SETD7: variants seen among roughly 807,000 people sequenced by gnomAD.
SETD7 encodes SET domain containing 7, histone lysine methyltransferase.
SETD7 carries 16 observed loss-of-function variants against 41.8 expected under a neutral mutation model. That is an observed-to-expected ratio of 0.38 (90% confidence interval 0.26 to 0.58). The LOEUF (loss-of-function observed/expected upper bound fraction) is 0.58. SETD7 is among the 20% of genes least tolerant of loss of function. The pLI is 0.64. For missense variants in SETD7, 346 were observed against 459.7 expected (o/e 0.75, Z 2.26); for synonymous variants, 163 against 169.7 (o/e 0.96, Z 0.31).
chr4:139,550,368 T>C (rs1409401298), intron 1 of SETD7, among the ~76,000 whole-genome samples: 3 of 152,242 alleles, frequency 2.0e-5, no homozygotes, highest in African/African-American at 7.2e-5. Flanking sequence ...GAGAGAATTC[T>C]GAAATCTATT....
chr4:139,505,711 A>G (rs1465516409), downstream of SETD7, among the ~76,000 whole-genome samples: 1 of 152,210 alleles, frequency 6.6e-6, no homozygotes, highest in Admixed American at 6.5e-5. Context: ...CAAAATTTCT[A>G]TATTTTCTTT....
Position 139,546,991 on chromosome 4 carries a change from T to C in SETD7, c.99A>G (p.Thr33=). The C allele has an allele frequency of 1.2e-6, 2 of 1,614,208 alleles. No individual in the cohort carries two copies. Among genetic ancestry groups the C allele is most frequent in the Non-Finnish European group, 1.7e-6 (2 of 1,180,038 alleles). ...HGFCTVTYSS[T]DRFEGNFVHG... is the part of the protein sequence containing the mutation. ...GAACAAAGTTCCCCTCAAATCTGTC[T>C]GTGGAGGAGTAGGTGACTGTGCAGA... Residue 33 remains threonine (T), a synonymous_variant, in exon 2 of 8, where the codon ACA becomes ACG. Transcript: ENST00000274031.
intron 1 of SETD7, among the ~76,000 whole-genome samples, chr4:139,550,131 C>T (rs181552625): frequency 1.3e-5 from 2 of 152,236 alleles, no homozygotes; most frequent in Non-Finnish European, 2.9e-5. Flanking sequence ...GTGGTCCACC[C>T]ACTTTGGGTG....
rs562425382 is a variant in SETD7 at position 139,497,800 on chromosome 4, C to A, written c.921-1279G>T. 2.6e-4 allele frequency among the ~76,000 whole-genome samples: 39 copies of A among 152,098 alleles called. No individual in the cohort carries two copies. In the South Asian group the frequency reaches 7.7e-3, roughly 30 times the overall value. On this transcript the variant is annotated intron_variant, in intron 7 of 7. Transcript: ENST00000506866. ...TAGAGATGGGTTTTCACCATGTTGG[C>A]CAGGCTGGTCTTGAACTCCTGAGCT...
At chr4:139,531,948 G>A (rs969487882) in intron 3 of SETD7, among the ~76,000 whole-genome samples, 1 of 152,078 alleles carries the variant, frequency 6.6e-6, no homozygotes, top group Non-Finnish European at 1.5e-5. Context: ...AAAAAAATTA[G>A]CCGGGCGTAG....
chr4:139,523,323 A>G (rs530165031), intron 5 of SETD7, 31 bp downstream of exon 5: 1 of 1,493,460 alleles, frequency 6.7e-7, no homozygotes, highest in East Asian at 2.3e-5. Context: ...TCACATAAAC[A>G]GTGCAATTAA....
intron 5 of SETD7, among the ~76,000 whole-genome samples, chr4:139,522,741 C>CTTTTTTTT (rs11357611): frequency 4.0e-4 from 37 of 93,432 alleles, no homozygotes; most frequent in African/African-American, 4.9e-4. Context: ...CCCAGCTGCT[C>CTTTTTTTT]TTTTTTTTTT....
rs183456201 is a variant in SETD7, at chr4:139,507,132, G to A, written c.*4531C>T. ...TGTGTGACTAGGCAGTAAGGGTGGC[G>A]GTTGATGGCGGCCGGGAAACCGAGT... is the stretch of plus-strand genomic sequence containing the variant. On this transcript the variant is annotated 3_prime_UTR_variant, in exon 8 of 8. Coordinates refer to ENST00000274031, the MANE Select transcript of SETD7 (RefSeq NM_030648.4). The A allele has an allele frequency of 2.0e-5, 3 of 152,862 alleles. No individual in the cohort carries two copies. Among genetic ancestry groups the A allele is most frequent in the East Asian group, 1.9e-4 (1 of 5,188 alleles). The allele number at this position is 152,862 out of a possible 1,614,324, so 9.5% of individuals were successfully genotyped here.
rs1726771663 is a variant in SETD7 at position 139,508,483 on chromosome 4, T to TGA, written c.*3179_*3180insTC. 2 of 152,236 alleles carry TGA rather than the reference T, an allele frequency of 1.3e-5. No individual in the cohort carries two copies. The highest frequency in any genetic ancestry group is 4.1e-4 in the South Asian group (2 of 4,830). The allele number at this position is 152,236 out of a possible 1,614,324, so 9.4% of individuals were successfully genotyped here. A position where few individuals can be genotyped will look rare whatever the true frequency, so the allele number is the denominator to read the frequency against. On this transcript the variant is annotated 3_prime_UTR_variant, in exon 8 of 8. Transcript: ENST00000274031. ...AAATGTCCATTTGGGGACATGCTCC[T>TGA]ACAGGTTAGTTCCTATTCCTAACTC...
intron 5 of SETD7, among the ~76,000 whole-genome samples, chr4:139,521,108 A>G (rs1727169570): frequency 6.6e-6 from 1 of 152,146 alleles, no homozygotes; most frequent in East Asian, 1.9e-4. Flanking sequence ...CTTTACAGAA[A>G]AAGTTTGCCA....
chr4:139,521,264 A>G (rs571690870), intron 5 of SETD7, among the ~76,000 whole-genome samples: 2 of 151,176 alleles, frequency 1.3e-5, no homozygotes, highest in East Asian at 3.9e-4. Context: ...CGTCTCTACT[A>G]AAAATACAAA....
At position 139,528,925 on chromosome 4, in the gene SETD7, T is replaced by C. The variant is rs1579212198; in HGVS notation, c.562+106A>G. ...AATAAAACCTGACTAATAAACACGA[T>C]TAAAGAGAACTATACAGAGAGGAAA... is the stretch of plus-strand genomic sequence containing the variant. On this transcript the variant is annotated intron_variant, in intron 4 of 7. Coordinates refer to ENST00000274031, the MANE Select transcript of SETD7 (RefSeq NM_030648.4). 3 of 1,006,724 alleles carry C rather than the reference T, an allele frequency of 3.0e-6. No homozygotes were observed. The East Asian group carries it at 7.3e-5, about 24-fold the overall frequency. The allele number at this position is 1,006,724 out of a possible 1,614,324, so 62.4% of individuals were successfully genotyped here.
rs1243678388 is a variant in SETD7 at position 139,546,941 on chromosome 4, T to A, written c.149A>T (p.Lys50Met). ...CTACCTGCCATCAAAGAAGAAGAAC[T>A]TCCCCCGTCCGTTCTTTTCTCCGTG... ...FVHGEKNGRG[K>M]FFFFDGSTLE... The change falls in exon 2 of 8, where the codon AAG (lysine) becomes ATG (methionine). Residue 50 changes from lysine (K) to methionine (M), a missense_variant. Physicochemically the swap from Lys to Met is moderately conservative, Grantham distance 95. Around this residue, in one of 3 missense-constraint regions of SETD7, gnomAD observed 266 missense variants for 377.0 expected, o/e 0.71. Coordinates refer to ENST00000274031, the MANE Select transcript of SETD7 (RefSeq NM_030648.4). The A allele has an allele frequency of 2.5e-6, 4 of 1,614,164 alleles. No individual in the cohort carries two copies. In the South Asian group the frequency reaches 3.3e-5, roughly 13 times the overall value.
intron 2 of SETD7, among the ~76,000 whole-genome samples, chr4:139,542,338 G>C (rs1016964799): frequency 1.3e-5 from 2 of 152,056 alleles, no homozygotes; most frequent in Non-Finnish European, 2.9e-5. Context: ...TACATAACAG[G>C]GTGACTACAG....
intron 2 of SETD7, among the ~76,000 whole-genome samples, chr4:139,536,163 A>G (rs1184583846): frequency 6.6e-6 from 1 of 152,134 alleles, no homozygotes; most frequent in Non-Finnish European, 1.5e-5. Flanking sequence ...ATACAGAAAA[A>G]GTTTGCTAAT....
chr4:139,513,446 T>C (rs1236211047), intron 7 of SETD7, among the ~76,000 whole-genome samples: 2 of 150,546 alleles, frequency 1.3e-5, no homozygotes, highest in Admixed American at 6.6e-5. Context: ...AAAAAAAAGA[T>C]TGGTGCTTGG....
intron 2 of SETD7, among the ~76,000 whole-genome samples, chr4:139,536,453 T>C (rs1267903459): frequency 1.3e-5 from 2 of 152,242 alleles, no homozygotes; most frequent in Admixed American, 6.5e-5. Context: ...GGCTCATGAC[T>C]GTAATCCCAG....
chr4:139,537,750 T>C (rs1296760477), intron 2 of SETD7, among the ~76,000 whole-genome samples: 1 of 152,200 alleles, frequency 6.6e-6, no homozygotes, highest in Non-Finnish European at 1.5e-5. Flanking sequence ...GAAGAGAAGA[T>C]TGAGAAGGAA....
intron 4 of SETD7, 114 bp downstream of exon 4, chr4:139,528,916 TA>T: frequency 1.1e-6 from 1 of 918,754 alleles, no homozygotes; most frequent in Non-Finnish European, 1.7e-6. Flanking sequence ...ACCTGACTAA[TA>T]AACACGATTA....
Sources: gnomAD v4.1 joint callset for allele counts (sites outside exome capture counted in the v4.1 genomes callset) on GRCh38, gnomAD v4.1.1 for gene constraint, gnomAD v4.1.1 regional missense constraint, MANE v1.5 for transcripts, NCBI Gene and HGNC (gene_info 2026-07-23, HGNC 2026-07-21) for gene names.